DSG4: variants seen among roughly 807,000 people sequenced by gnomAD.
DSG4 encodes the protein desmoglein-4.
Under a neutral mutation model 93.1 loss-of-function variants are expected in DSG4, and 87 were observed. That is an observed-to-expected ratio of 0.93 (90% CI 0.79 to 1.12). DSG4 has a LOEUF of 1.12. Among genes scored for constraint, DSG4 ranks in the 50% most tolerant of loss-of-function variants. The pLI is 0.00. For missense variants in DSG4, 1,373 were observed against 1,285.7 expected (o/e 1.07, Z -1.04); for synonymous variants, 432 against 452.9 (o/e 0.95, Z 0.59).
Position 31,413,988 on chromosome 18 carries a change from C to T in DSG4, c.*393C>T, listed in dbSNP as rs926440894. On this transcript the variant is annotated 3_prime_UTR_variant, in exon 16 of 16. Coordinates refer to ENST00000308128, the MANE Select transcript of DSG4 (RefSeq NM_177986.5). ...GTCTACATCCACCAGCCATATTTTT[C>T]GTTAGGGAAATATTTATATTAAAAT... 1.9e-5 allele frequency: 3 copies of T among 157,264 alleles called. No individual in the cohort carries two copies. The highest frequency in any genetic ancestry group is 6.2e-5 in the Admixed American group (1 of 16,100). The allele number at this position is 157,264 out of a possible 1,614,324, so 9.7% of individuals were successfully genotyped here. A position where few individuals can be genotyped will look rare whatever the true frequency, so the allele number is the denominator to read the frequency against.
chr18:31,388,835 T>C (rs750889268), intron 4 of DSG4, 39 bp from the exon 5 acceptor site: 1 of 1,613,156 alleles, frequency 6.2e-7, no homozygotes, highest in East Asian at 2.2e-5. Flanking sequence ...CTAAAATTCC[T>C]TTGGTGGAAA....
At chr18:31,395,733 G>T (rs1006568456) in intron 8 of DSG4, among the ~76,000 whole-genome samples, 1 of 152,066 alleles carries the variant, frequency 6.6e-6, no homozygotes, top group Non-Finnish European at 1.5e-5. Context: ...ATTTAAGGTG[G>T]CTCGTGCCTG....
intron 1 of DSG4, among the ~76,000 whole-genome samples, chr18:31,379,297 A>G (rs573487567): frequency 6.6e-6 from 1 of 152,196 alleles, no homozygotes; most frequent in Non-Finnish European, 1.5e-5. Flanking sequence ...GTGAGAATGT[A>G]TGGTTAGACA....
Position 31,390,721 on chromosome 18 carries a change from G to T in DSG4, c.583G>T (p.Ala195Ser). ...DEENHLNSKI[A>S]YKIVSQEPSG... ...AGAAAATCATCTGAATTCTAAAATT[G>T]CCTACAAGATCGTCTCTCAGGAGCC... Residue 195 changes from alanine (A) to serine (S), a missense_variant, in exon 6 of 16, where the codon GCC (alanine) becomes TCC (serine). Ala to Ser is a moderately conservative substitution (Grantham distance 99). Transcript: ENST00000308128. 2 of 1,613,712 alleles carry T rather than the reference G, an allele frequency of 1.2e-6. No individual in the cohort carries two copies. Among genetic ancestry groups the T allele is most frequent in the East Asian group, 4.5e-5 (2 of 44,850 alleles).
intron 1 of DSG4, among the ~76,000 whole-genome samples, chr18:31,381,982 T>A (rs1454930934): frequency 6.6e-6 from 1 of 152,172 alleles, no homozygotes; most frequent in African/African-American, 2.4e-5. Flanking sequence ...TAGTAGTATC[T>A]TAAGCATTTT....
chr18:31,399,355 T>C lies in DSG4; in HGVS notation c.1089T>C (p.Ser363=), dbSNP rs192864615. Residue 363 remains serine (S), a synonymous_variant, in exon 9 of 16, where the codon TCT becomes TCC. Coordinates refer to ENST00000308128, the MANE Select transcript of DSG4 (RefSeq NM_177986.5). ...CTGATTTTCACTACTCCGTTGCTTC[T>C]CAATTCCAAATGCACCCAACCCCTG... is the stretch of plus-strand genomic sequence containing the variant. The part of the protein sequence containing the change: ...NQADFHYSVA[S]QFQMHPTPVR... 37 of 1,614,126 alleles carry C rather than the reference T, an allele frequency of 2.3e-5. No homozygotes were observed. The Admixed American group carries it at 4.3e-4, about 19-fold the overall frequency.
rs751801699 is a variant in DSG4 at position 31,390,686 on chromosome 18, A to G, written c.548A>G (p.Asp183Gly). 1.2e-6 allele frequency: 2 copies of G among 1,613,712 alleles called. No homozygotes were observed. Among genetic ancestry groups the G allele is most frequent in the Non-Finnish European group, 1.7e-6 (2 of 1,179,698 alleles). ...TTGGTAGTAAAGTTATGTGCCACAGATGCAGATGAAGAAAATCATCTGAAT... is the reference window on the plus strand; with the variant it reads ...TTGGTAGTAAAGTTATGTGCCACAGGTGCAGATGAAGAAAATCATCTGAAT... ...NTLVVKLCATDADEENHLNSK... is the reference protein window; with the variant it reads ...NTLVVKLCATGADEENHLNSK... The change falls in exon 6 of 16, where the codon GAT becomes GGT. Residue 183 changes from aspartate to glycine, a missense_variant. Coordinates refer to ENST00000308128, the MANE Select transcript of DSG4 (RefSeq NM_177986.5).
Position 31,413,657 on chromosome 18 carries a change from C to A in DSG4, c.*62C>A. 1 of 1,559,694 alleles carries A rather than the reference C, an allele frequency of 6.4e-7. No individual in the cohort carries two copies. Among genetic ancestry groups the A allele is most frequent in the Middle Eastern group, 1.7e-4 (1 of 5,968 alleles). On this transcript the variant is annotated 3_prime_UTR_variant, in exon 16 of 16. Coordinates refer to ENST00000308128, the MANE Select transcript of DSG4 (RefSeq NM_177986.5). Reference sequence around the variant, plus strand: ...ACCTTGTAATCATCAATACATCCACCAAAAATATATAATGTACCATATATA... The same window carrying A: ...ACCTTGTAATCATCAATACATCCACAAAAAATATATAATGTACCATATATA...
At chr18:31,406,518 T>G (rs1205566787) in intron 12 of DSG4, 145 bp downstream of exon 12, 2 of 886,070 alleles carry the variant, frequency 2.3e-6, no homozygotes, top group Non-Finnish European at 3.5e-6. Context: ...ACAATGGGAC[T>G]GACAAATATA....
intron 8 of DSG4, among the ~76,000 whole-genome samples, chr18:31,393,200 T>C (rs1212206305): frequency 6.6e-6 from 1 of 152,188 alleles, no homozygotes; most frequent in Non-Finnish European, 1.5e-5. Context: ...TATTAAGACA[T>C]ATATGTACAC....
rs1355222749 is a variant in DSG4 at position 31,388,862 on chromosome 18, A to C, written c.373-12A>C. 1 of 1,613,418 alleles carries C rather than the reference A, an allele frequency of 6.2e-7. No individual in the cohort carries two copies. Among genetic ancestry groups the C allele is most frequent in the African/African-American group, 1.3e-5 (1 of 74,984 alleles). ...TGGTGGAAAAAGATGGCTTTTTTCC[A>C]ATTTTCCACAGATCTATTGCCGGGC... On this transcript the variant is annotated splice_polypyrimidine_tract_variant and intron_variant, in intron 4 of 15. Transcript: ENST00000308128.
At chr18:31,388,290 C>A in intron 3 of DSG4, 77 bp from the exon 4 acceptor site, 1 of 1,540,554 alleles carries the variant, frequency 6.5e-7, no homozygotes, top group Non-Finnish European at 8.9e-7. Context: ...AAGAAACCCA[C>A]TCCCTTCTTA....
Position 31,400,880 on chromosome 18 carries a change from G to A in DSG4, c.1278-1G>A, listed in dbSNP as rs948130237. The A allele has an allele frequency of 1.2e-6, 2 of 1,611,812 alleles. No homozygotes were observed. The highest frequency in any genetic ancestry group is 1.3e-5 in the African/African-American group (1 of 74,938). Reference sequence around the variant, plus strand: ...TAACGAACTTTTTTATTTAAAAACAGATATATCATAGGGCATGATGCAGGC... The same window carrying A: ...TAACGAACTTTTTTATTTAAAAACAAATATATCATAGGGCATGATGCAGGC... On this transcript the variant is annotated splice_acceptor_variant, in intron 9 of 15. Transcript: ENST00000308128. LOFTEE classifies it high-confidence loss of function.
chr18:31,385,594 T>C (rs1329831678), intron 2 of DSG4, among the ~76,000 whole-genome samples: 1 of 152,160 alleles, frequency 6.6e-6, no homozygotes, highest in Non-Finnish European at 1.5e-5. Context: ...TCTAGTGCCA[T>C]TTAGAGTAGA....
In DSG4 at chr18:31,385,189, T is replaced by C; in HGVS notation, c.84+18T>C. The C allele has an allele frequency of 6.5e-7, 1 of 1,544,520 alleles. No individual in the cohort carries two copies. Among genetic ancestry groups the C allele is most frequent in the Non-Finnish European group, 8.8e-7 (1 of 1,130,734 alleles). On this transcript the variant is annotated intron_variant, in intron 2 of 15. Coordinates refer to ENST00000308128, the MANE Select transcript of DSG4 (RefSeq NM_177986.5). Reference sequence around the variant, plus strand: ...TTGTTGAGGTAATGTAAAATAAAATTATTTTCTCAATTTAAAATTAAAACA... The same window carrying C: ...TTGTTGAGGTAATGTAAAATAAAATCATTTTCTCAATTTAAAATTAAAACA...
chr18:31,379,518 A>G (rs1234691264), intron 1 of DSG4, among the ~76,000 whole-genome samples: 4 of 152,188 alleles, frequency 2.6e-5, no homozygotes, highest in African/African-American at 9.6e-5. Flanking sequence ...GAAGAGGCCT[A>G]TATTATATCA....
At chr18:31,386,901 C>A in intron 3 of DSG4, 82 bp downstream of exon 3, 1 of 1,590,642 alleles carries the variant, frequency 6.3e-7, no homozygotes, top group South Asian at 1.1e-5. Context: ...GCAGGCTTCA[C>A]TGCTCCACAG....
In DSG4 at chr18:31,411,435, G is replaced by T. The variant is rs1231182110; in HGVS notation, c.2342G>T (p.Ser781Ile). The T allele has an allele frequency of 6.2e-7, 1 of 1,612,018 alleles. No homozygotes were observed. Residue 781 changes from serine to isoleucine, a missense_variant, in exon 15 of 16, where the codon AGC becomes ATC. By Grantham distance (142) the Ser-to-Ile change is moderately radical. Coordinates refer to ENST00000308128, the MANE Select transcript of DSG4 (RefSeq NM_177986.5). ...DADINMAFLD[S>I]YFSEKAYAYA... ...GACATCAACATGGCTTTCTTGGACA[G>T]CTACTTCTCGGAGGTAATGCCCTCA...
chr18:31,409,665 T>C (rs1027802523), intron 13 of DSG4, 74 bp downstream of exon 13: 3 of 1,614,016 alleles, frequency 1.9e-6, no homozygotes, highest in Admixed American at 3.3e-5. Context: ...AATTACATGC[T>C]GCACAAAAAT....
Sources: gnomAD v4.1 joint callset for allele counts (sites outside exome capture counted in the v4.1 genomes callset) on GRCh38, gnomAD v4.1.1 for gene constraint, MANE v1.5 for transcripts, NCBI Gene and HGNC (gene_info 2026-07-23, HGNC 2026-07-21) for gene names.